PLCH2: variants seen among roughly 807,000 people sequenced by gnomAD.
The protein encoded by PLCH2 is phospholipase C eta 2.
In PLCH2, 98 loss-of-function variants were observed where a neutral mutation model predicts 134.7. That is an observed-to-expected ratio of 0.73 (90% confidence interval 0.62 to 0.86). The LOEUF (loss-of-function observed/expected upper bound fraction) is 0.86, where lower values mean the gene tolerates loss of function less well. Ranked by LOEUF, PLCH2 falls within the 40% of genes least tolerant of loss-of-function variation. PLCH2 has a pLI of 0.00. For synonymous variants in PLCH2, 974 were observed against 827.5 expected (o/e 1.18, Z -3.04); for missense variants, 1,994 against 1,986.6 (o/e 1.00, Z -0.07).
chr1:2,428,655 G>A (rs1238827877), intron 1 of PLCH2, among the ~76,000 whole-genome samples: 3 of 152,280 alleles, frequency 2.0e-5, no homozygotes, highest in East Asian at 1.9e-4. Context: ...GCCGGCAGAC[G>A]TGTCGGGGCA....
chr1:2,505,176 C>A lies in PLCH2; in HGVS notation c.4214C>A (p.Ser1405Tyr). The A allele has an allele frequency of 6.4e-7, 1 of 1,571,340 alleles. No homozygotes were observed. The highest frequency in any genetic ancestry group is 1.3e-5 in the African/African-American group (1 of 74,166). The change falls in exon 22 of 22, where the codon TCC becomes TAC. Residue 1405 changes from serine (S) to tyrosine (Y), a missense_variant. By Grantham distance (144) the Ser-to-Tyr change is moderately radical. Coordinates refer to ENST00000378486, the MANE Select transcript of PLCH2 (RefSeq NM_014638.4). ...APSKGALGPA[S>Y]AAAENLVLLR... The stretch of plus-strand genomic sequence containing the variant: ...TCCAAGGGAGCCCTCGGGCCAGCAT[C>A]CGCGGCTGCTGAAAACCTGGTCCTG...
intron 2 of PLCH2, among the ~76,000 whole-genome samples, chr1:2,452,323 C>T (rs1239737949): frequency 2.0e-5 from 3 of 152,202 alleles, no homozygotes; most frequent in African/African-American, 7.2e-5. Flanking sequence ...TGGCAGGTAG[C>T]AGCCCCGTGG....
intron 18 of PLCH2, 28 bp from the exon 19 acceptor site, chr1:2,499,056 G>C (rs561328395): frequency 1.9e-6 from 3 of 1,596,854 alleles, no homozygotes; most frequent in Non-Finnish European, 2.6e-6. Context: ...CTCCCCATGG[G>C]ACACTCCTCC....
upstream of PLCH2, among the ~76,000 whole-genome samples, chr1:2,424,603 C>T (rs1193953449): frequency 6.6e-6 from 1 of 152,200 alleles, no homozygotes; most frequent in Non-Finnish European, 1.5e-5. Flanking sequence ...ATAATCCCAG[C>T]ACTTTGGGAG....
intron 2 of PLCH2, among the ~76,000 whole-genome samples, chr1:2,430,812 C>T (rs1025596907): frequency 6.6e-5 from 10 of 152,328 alleles, no homozygotes; most frequent in Middle Eastern, 3.4e-3. Context: ...CAGGTGGGGC[C>T]GCCACGTGCA....
chr1:2,428,759 C>G (rs1045246548), intron 1 of PLCH2, among the ~76,000 whole-genome samples: 1 of 152,258 alleles, frequency 6.6e-6, no homozygotes, highest in Admixed American at 6.5e-5. Flanking sequence ...CTCCAGGGCC[C>G]TGAGGCTGAG....
chr1:2,456,680 G>A (rs768978957), intron 2 of PLCH2, among the ~76,000 whole-genome samples: 2 of 152,144 alleles, frequency 1.3e-5, no homozygotes, highest in Non-Finnish European at 2.9e-5. Flanking sequence ...TGAGGGAGCC[G>A]CCCTCCTTGG....
chr1:2,484,697 G>T (rs1291051874), intron 5 of PLCH2, 79 bp downstream of exon 5: 8 of 1,491,520 alleles, frequency 5.4e-6, no homozygotes, highest in Non-Finnish European at 7.3e-6. Context: ...TTCAGTCAGG[G>T]GACAGTGGTG....
At chr1:2,473,739 T>C (rs1274138252), upstream of PLCH2, among the ~76,000 whole-genome samples, 1 of 152,210 alleles carries the variant, frequency 6.6e-6, no homozygotes. Context: ...GGCAGTGCTC[T>C]GAGGACTGGG....
rs775013056 is a variant in PLCH2 at position 2,448,280 on chromosome 1, G to A, written c.115+17651G>A. ...TATTCTCTCGCAGTCCTGGAGGCTGGAAGTCTGAGGTCAGGGTGTGGGTGG... is the reference window on the plus strand; with the variant it reads ...TATTCTCTCGCAGTCCTGGAGGCTGAAAGTCTGAGGTCAGGGTGTGGGTGG... On this transcript the variant is annotated intron_variant, in intron 2 of 3. Transcript: ENST00000609981. The surrounding 1 kb of genome is among the most constrained non-coding windows in gnomAD (Gnocchi z 4.0). 6.6e-6 allele frequency among the ~76,000 whole-genome samples: 1 copy of A among 152,174 alleles called. No individual in the cohort carries two copies. The highest frequency in any genetic ancestry group is 1.5e-5 in the Non-Finnish European group (1 of 68,018).
At chr1:2,473,751 A>G (rs1321266429), upstream of PLCH2, among the ~76,000 whole-genome samples, 1 of 152,120 alleles carries the variant, frequency 6.6e-6, no homozygotes, top group East Asian at 1.9e-4. Context: ...AGGACTGGGG[A>G]GCCCCACTGT....
At chr1:2,431,585 C>T (rs1639074545) in intron 2 of PLCH2, among the ~76,000 whole-genome samples, 1 of 152,140 alleles carries the variant, frequency 6.6e-6, no homozygotes, top group Non-Finnish European at 1.5e-5. Flanking sequence ...TCCAGAGCTT[C>T]CAGAGTCCTG....
upstream of PLCH2, among the ~76,000 whole-genome samples, chr1:2,474,735 GC>G (rs1641523613): frequency 6.6e-6 from 1 of 152,278 alleles, no homozygotes; most frequent in Non-Finnish European, 1.5e-5. Context: ...TGTGTCCCAG[GC>G]CAGGAGGCCT....
upstream of PLCH2, among the ~76,000 whole-genome samples, chr1:2,422,646 T>C (rs548253205): frequency 6.6e-6 from 1 of 152,338 alleles, no homozygotes; most frequent in Admixed American, 6.5e-5. Flanking sequence ...TGTGTTACAT[T>C]ATCATCTGTT....
In PLCH2 at chr1:2,487,335, T is replaced by C. The variant is rs766730428; in HGVS notation, c.1073T>C (p.Met358Thr). 4.6e-5 allele frequency: 75 copies of C among 1,613,618 alleles called. No individual in the cohort carries two copies. The highest frequency in any genetic ancestry group is 5.8e-5 in the Non-Finnish European group (69 of 1,179,932). The part of the protein sequence containing the change: ...DQLMSQSRVD[M>T]YAWVLQAGCR... ...CTCATGTCCCAGTCACGGGTGGACA[T>C]GTATGCTTGGGTCCTGCAGGCTGGC... The change falls in exon 7 of 22, where the codon ATG (methionine) becomes ACG (threonine). Residue 358 changes from methionine (M) to threonine (T), a missense_variant. Met to Thr is a moderately conservative substitution (Grantham distance 81). Around this residue, in one of 2 missense-constraint regions of PLCH2, gnomAD observed 1,094 missense variants for 1,234.3 expected, o/e 0.89. Transcript: ENST00000378486.
At chr1:2,431,261 C>T (rs1047092087) in intron 2 of PLCH2, among the ~76,000 whole-genome samples, 6 of 151,700 alleles carry the variant, frequency 4.0e-5, no homozygotes, top group Admixed American at 6.6e-5. Flanking sequence ...AGCGTGTGTG[C>T]GTGTGTGCGT....
At chr1:2,446,797 G>C (rs2100543724) in intron 2 of PLCH2, among the ~76,000 whole-genome samples, 1 of 152,314 alleles carries the variant, frequency 6.6e-6, no homozygotes, top group South Asian at 2.1e-4. Context: ...AGGGGTCAGA[G>C]CCGGCAGGAA....
In PLCH2 at chr1:2,448,952, C is replaced by G. The variant is rs1640070112; in HGVS notation, c.115+18323C>G. 6.6e-6 allele frequency among the ~76,000 whole-genome samples: 1 copy of G among 152,194 alleles called. No homozygotes were observed. The highest frequency in any genetic ancestry group is 6.5e-5 in the Admixed American group (1 of 15,284). On this transcript the variant is annotated intron_variant, in intron 2 of 3. Coordinates refer to the PLCH2 transcript ENST00000609981. This position sits in a 1 kb window ranked among gnomAD's most constrained non-coding sequence, Gnocchi z 4.0. The stretch of plus-strand genomic sequence containing the variant: ...TTTCGTCAAACTGTTGTACGTGGCT[C>G]CTTTGCTGGCGCGGGGAAAGGGCCG...
At chr1:2,491,479 C>T in intron 11 of PLCH2, 144 bp downstream of exon 11, 1 of 804,544 alleles carries the variant, frequency 1.2e-6, no homozygotes, top group Non-Finnish European at 2.0e-6. Context: ...TACCTCTGTA[C>T]ACACCTCCGC....
Sources: allele counts gnomAD v4.1 joint callset (sites outside exome capture counted in the v4.1 genomes callset), GRCh38; gene constraint gnomAD v4.1.1; regional missense constraint gnomAD v4.1.1; non-coding constraint Gnocchi (gnomAD v3.1); transcripts MANE v1.5; gene names NCBI Gene and HGNC (gene_info 2026-07-23, HGNC 2026-07-21).